Variants in CLIC1 observed in about 807,000 individuals in gnomAD.
CLIC1 encodes the protein CLIC family member 1, also known as chloride intracellular channel protein 1.
A neutral mutation model predicts 26.4 loss-of-function variants in CLIC1; 16 were observed. That is an observed-to-expected ratio of 0.61 (90% CI 0.41 to 0.92). CLIC1 has a LOEUF of 0.92. CLIC1 is among the 40% of genes least tolerant of loss of function. The pLI is 0.00. For synonymous variants in CLIC1, 98 were observed against 120.8 expected, an observed-to-expected ratio of 0.81 and a Z score of 1.24; for missense variants, 225 against 289.7, an observed-to-expected ratio of 0.78 and a Z score of 1.62.
Position 31,730,934 on chromosome 6 carries a change from T to C in CLIC1, c.634A>G (p.Asn212Asp). 1 of 1,613,076 alleles carries C rather than the reference T, an allele frequency of 6.2e-7. No individual in the cohort carries two copies. The highest frequency in any genetic ancestry group is 8.5e-7 in the Non-Finnish European group (1 of 1,180,012). ...GCGAATTCTTCCCGGGCGTAGGCAT[T>C]GCTCAAGTACCGATGCACTCCCCGG... is the stretch of plus-strand genomic sequence containing the variant. The change falls in exon 6 of 6, where the codon AAT becomes GAT. Residue 212 changes from asparagine to aspartate, a missense_variant. Coordinates refer to ENST00000375784, the Ensembl canonical transcript of CLIC1. This position sits in a 1 kb window ranked among gnomAD's most constrained non-coding sequence, Gnocchi z 5.1.
In CLIC1 at chr6:31,730,925, C is replaced by T. The variant is rs764853833; in HGVS notation, c.643G>A (p.Ala215Thr). ...CAGGTGGAAGCGAATTCTTCCCGGG[C>T]GTAGGCATTGCTCAAGTACCGATGC... Residue 215 changes from alanine to threonine, a missense_variant, in exon 6 of 6, where the codon GCC (alanine) becomes ACC (threonine). Ala to Thr is a moderately conservative substitution (Grantham distance 58). Coordinates refer to ENST00000375784, the Ensembl canonical transcript of CLIC1. This position sits in a 1 kb window ranked among gnomAD's most constrained non-coding sequence, Gnocchi z 5.1. 50 of 1,612,942 alleles carry T rather than the reference C, an allele frequency of 3.1e-5. No individual in the cohort carries two copies. In the Admixed American group the frequency reaches 7.5e-4, roughly 24 times the overall value.
At chr6:31,731,557 C>T (rs369721972) in intron 5 of CLIC1, among the ~76,000 whole-genome samples, 23 of 152,330 alleles carry the variant, frequency 1.5e-4, no homozygotes, top group African/African-American at 5.5e-4. Context: ...CAGCCTTGGC[C>T]GCCCAAAGTG....
rs767020089 is a variant in CLIC1 at position 31,732,305 on chromosome 6, T to C, written c.476A>G (p.Asp159Gly). 1.6e-5 allele frequency: 26 copies of C among 1,598,672 alleles called. No individual in the cohort carries two copies. Among genetic ancestry groups the C allele is most frequent in the Non-Finnish European group, 2.0e-5 (23 of 1,173,296 alleles). Residue 159 changes from aspartate (D) to glycine (G), a missense_variant, in exon 5 of 6, where the codon GAT (aspartate) becomes GGT (glycine). Physicochemically the swap from Asp to Gly is moderately conservative, Grantham distance 94 (BLOSUM62 -1). Coordinates refer to ENST00000375784, the Ensembl canonical transcript of CLIC1. This position sits in a 1 kb window ranked among gnomAD's most constrained non-coding sequence, Gnocchi z 5.0. ...AAACTTCCTCTGAGAGACACCTTCA[T>C]CTTCAGCACTGGTTTCATCCACTTC...
chr6:31,732,125 G>A lies in CLIC1; in HGVS notation c.564+92C>T, dbSNP rs1416991236. Reference sequence around the variant, plus strand: ...TGAAAACCACCCTAAGAAAGAAATCGTCTTTAGAGTGGTTGTCAGGGGAAG... The same window carrying A: ...TGAAAACCACCCTAAGAAAGAAATCATCTTTAGAGTGGTTGTCAGGGGAAG... On this transcript the variant is annotated intron_variant, in intron 5 of 5. Coordinates refer to ENST00000375784, the Ensembl canonical transcript of CLIC1. The surrounding 1 kb of genome is among the most constrained non-coding windows in gnomAD (Gnocchi z 5.0). 51 of 1,078,042 alleles carry A rather than the reference G, an allele frequency of 4.7e-5. No homozygotes were observed. Among genetic ancestry groups the A allele is most frequent in the Middle Eastern group, 4.4e-4 (2 of 4,550 alleles). 66.8% of individuals were successfully genotyped at this position (1,078,042 alleles called of 1,614,324 possible). A position where few individuals can be genotyped will look rare whatever the true frequency, so the allele number is the denominator to read the frequency against.
chr6:31,732,320 T>G lies in CLIC1; in HGVS notation c.461A>C (p.Glu154Ala). 1 of 1,596,532 alleles carries G rather than the reference T, an allele frequency of 6.3e-7. No homozygotes were observed. Among genetic ancestry groups the G allele is most frequent in the Non-Finnish European group, 8.5e-7 (1 of 1,172,154 alleles). ...GACACCTTCATCTTCAGCACTGGTT[T>G]CATCCACTTCTTCTGGGAGGGGGGA... Residue 154 changes from glutamate to alanine, a missense_variant, in exon 5 of 6, where the codon GAA (glutamate) becomes GCA (alanine). Physicochemically the swap from Glu to Ala is moderately radical, Grantham distance 107 (BLOSUM62 -1). Transcript: ENST00000375784. This position sits in a 1 kb window ranked among gnomAD's most constrained non-coding sequence, Gnocchi z 5.0.
Position 31,730,768 on chromosome 6 carries a change from T to G in CLIC1, c.*74A>C. The G allele has an allele frequency of 6.6e-7, 1 of 1,515,976 alleles. No homozygotes were observed. The highest frequency in any genetic ancestry group is 9.1e-7 in the Non-Finnish European group (1 of 1,100,274). 93.9% of individuals were successfully genotyped at this position (1,515,976 alleles called of 1,614,324 possible). A position where few individuals can be genotyped will look rare whatever the true frequency, so the allele number is the denominator to read the frequency against. On this transcript the variant is annotated 3_prime_UTR_variant, in exon 6 of 6. Transcript: ENST00000375784. This position sits in a 1 kb window ranked among gnomAD's most constrained non-coding sequence, Gnocchi z 5.1. ...CACTGGCCATTTTGGAGTGTGTCCA[T>G]TGGGTAGCAATGTGGAAACCACCAG...
Position 31,733,864 on chromosome 6 carries a change from A to T in CLIC1, c.247T>A (p.Phe83Ile), listed in dbSNP as rs767508324. ...GGAGGGCACAGCACTGCCTCCAGAA[A>T]TTCCTCAATCTTGTTGGTGTCTGTG... The change falls in exon 3 of 6, where the codon TTT (phenylalanine) becomes ATT (isoleucine). Residue 83 changes from phenylalanine (F) to isoleucine (I), a missense_variant. Physicochemically the swap from Phe to Ile is conservative, Grantham distance 21 (BLOSUM62 0). Coordinates refer to ENST00000375784, the Ensembl canonical transcript of CLIC1. The surrounding 1 kb of genome is among the most constrained non-coding windows in gnomAD (Gnocchi z 5.4). 1 of 1,614,076 alleles carries T rather than the reference A, an allele frequency of 6.2e-7. No individual in the cohort carries two copies. Among genetic ancestry groups the T allele is most frequent in the Non-Finnish European group, 8.5e-7 (1 of 1,180,028 alleles).
Position 31,736,496 on chromosome 6 carries a change from C to T in CLIC1, c.-196G>A, listed in dbSNP as rs1583872976. ...AGCCCAACGCACCCCACACCCAGCTCCTCCAGCTCGGTCCTCTCCCGGGCT... is the reference window on the plus strand; with the variant it reads ...AGCCCAACGCACCCCACACCCAGCTTCTCCAGCTCGGTCCTCTCCCGGGCT... On this transcript the variant is annotated 5_prime_UTR_variant, in exon 1 of 6. Coordinates refer to ENST00000375784, the Ensembl canonical transcript of CLIC1. This position sits in a 1 kb window ranked among gnomAD's most constrained non-coding sequence, Gnocchi z 5.0. 1 of 1,399,348 alleles carries T rather than the reference C, an allele frequency of 7.1e-7. No homozygotes were observed. Among genetic ancestry groups the T allele is most frequent in the Non-Finnish European group, 9.3e-7 (1 of 1,076,070 alleles). The allele number at this position is 1,399,348 out of a possible 1,614,324, so 86.7% of individuals were successfully genotyped here.
At chr6:31,735,807 C>CCA (rs9281564) in intron 1 of CLIC1, among the ~76,000 whole-genome samples, 22,115 of 124,646 alleles carry the variant, frequency 0.18, 2,044 homozygotes, top group East Asian at 0.34. Flanking sequence ...GCGTCTCCAT[C>CCA]CACACACACA....
Position 31,734,208 on chromosome 6 carries a change from A to G in CLIC1, c.95T>C (p.Met32Thr). The change falls in exon 2 of 6, where the codon ATG becomes ACG. Residue 32 changes from methionine (M) to threonine (T), a missense_variant. Coordinates refer to ENST00000375784, the Ensembl canonical transcript of CLIC1. The surrounding 1 kb of genome is among the most constrained non-coding windows in gnomAD (Gnocchi z 5.3). Reference sequence around the variant, plus strand: ...GGTGACTCCCTTGAGCCACAGTACCATGAACAGTCTCTGGGAGAATGGGCA... The same window carrying G: ...GGTGACTCCCTTGAGCCACAGTACCGTGAACAGTCTCTGGGAGAATGGGCA... 1 of 1,614,206 alleles carries G rather than the reference A, an allele frequency of 6.2e-7. No individual in the cohort carries two copies. Among genetic ancestry groups the G allele is most frequent in the Non-Finnish European group, 8.5e-7 (1 of 1,180,032 alleles).
chr6:31,730,864 T>A lies in CLIC1; in HGVS notation c.704A>T (p.Gln235Leu), dbSNP rs1807864565. The A allele has an allele frequency of 2.2e-5, 36 of 1,612,960 alleles. No individual in the cohort carries two copies. Among genetic ancestry groups the A allele is most frequent in the Non-Finnish European group, 3.0e-5 (35 of 1,180,048 alleles). The change falls in exon 6 of 6, where the codon CAA (glutamine) becomes CTA (leucine). Residue 235 changes from glutamine to leucine, a missense_variant. Gln to Leu is a moderately radical substitution (Grantham distance 113). Transcript: ENST00000375784. This position sits in a 1 kb window ranked among gnomAD's most constrained non-coding sequence, Gnocchi z 5.1. ...GGCTTATTTGAGGGCCTTTGCCACT[T>A]GCTCATAGGCGAGCTCGATCTCCTC... is the stretch of plus-strand genomic sequence containing the variant.
Position 31,732,942 on chromosome 6 carries a change from T to G in CLIC1, c.383-544A>C, listed in dbSNP as rs1353889269. On this transcript the variant is annotated intron_variant, in intron 4 of 5. Coordinates refer to ENST00000375784, the Ensembl canonical transcript of CLIC1. This position sits in a 1 kb window ranked among gnomAD's most constrained non-coding sequence, Gnocchi z 5.0. ...TTCAAGACCAGCCTGGCCAACATGG[T>G]GAAACCCTGTCTCTACTAAAAATAC... Among the ~76,000 whole-genome samples the G allele has an allele frequency of 6.6e-6, 1 of 151,456 alleles. No homozygotes were observed. The highest frequency in any genetic ancestry group is 1.5e-5 in the Non-Finnish European group (1 of 67,842).
At position 31,734,275 on chromosome 6, in the gene CLIC1, C is replaced by A. The variant is rs762825524; in HGVS notation, c.40-12G>T. On this transcript the variant is annotated splice_polypyrimidine_tract_variant and intron_variant, in intron 1 of 5. Transcript: ENST00000375784. This position sits in a 1 kb window ranked among gnomAD's most constrained non-coding sequence, Gnocchi z 5.3. ...CCATCACTGCCAGCCTGAAAAGTAA[C>A]CCCAACCCAAGGTTATGCCTGATGC... 6.2e-6 allele frequency: 10 copies of A among 1,608,674 alleles called. No individual in the cohort carries two copies. Among genetic ancestry groups the A allele is most frequent in the South Asian group, 4.4e-5 (4 of 90,864 alleles).
Position 31,733,304 on chromosome 6 carries a change from T to C in CLIC1, c.382+262A>G, listed in dbSNP as rs1216278948. Among the ~76,000 whole-genome samples, 1 of 152,066 alleles carries C rather than the reference T, an allele frequency of 6.6e-6. No homozygotes were observed. The highest frequency in any genetic ancestry group is 2.4e-5 in the African/African-American group (1 of 41,386). ...ACTGTTCTTAAGCATGACCCTATTC[T>C]GCCAGAAAACAGGCCAGCAGCCAAC... On this transcript the variant is annotated intron_variant, in intron 4 of 5. Coordinates refer to ENST00000375784, the Ensembl canonical transcript of CLIC1. The surrounding 1 kb of genome is among the most constrained non-coding windows in gnomAD (Gnocchi z 5.4).
intron 5 of CLIC1, among the ~76,000 whole-genome samples, chr6:31,731,250 C>T (rs1268455171): frequency 6.6e-6 from 1 of 151,986 alleles, no homozygotes; most frequent in African/African-American, 2.4e-5. Context: ...TGACTTTTTC[C>T]CCCTATACCA....
chr6:31,733,734 C>G lies in CLIC1; in HGVS notation c.276-62G>C. 1 of 1,603,266 alleles carries G rather than the reference C, an allele frequency of 6.2e-7. No homozygotes were observed. Among genetic ancestry groups the G allele is most frequent in the Non-Finnish European group, 8.5e-7 (1 of 1,170,682 alleles). On this transcript the variant is annotated intron_variant, in intron 3 of 5. Coordinates refer to ENST00000375784, the Ensembl canonical transcript of CLIC1. The surrounding 1 kb of genome is among the most constrained non-coding windows in gnomAD (Gnocchi z 5.4). ...CCTGGGAGGAACCTCAGCTAGCTCTCCTGCCCCAGCCCCACCACCATCTCT... is the reference window on the plus strand; with the variant it reads ...CCTGGGAGGAACCTCAGCTAGCTCTGCTGCCCCAGCCCCACCACCATCTCT...
At position 31,730,746 on chromosome 6, in the gene CLIC1, T is replaced by G; in HGVS notation, c.*96A>C. 4 of 1,333,276 alleles carry G rather than the reference T, an allele frequency of 3.0e-6. No homozygotes were observed. Among genetic ancestry groups the G allele is most frequent in the Non-Finnish European group, 4.2e-6 (4 of 948,224 alleles). The allele number at this position is 1,333,276 out of a possible 1,614,324, so 82.6% of individuals were successfully genotyped here. ...AAGTGCTCCAGGATTCCCTGCCCAC[T>G]GGCCATTTTGGAGTGTGTCCATTGG... is the stretch of plus-strand genomic sequence containing the variant. On this transcript the variant is annotated 3_prime_UTR_variant, in exon 6 of 6. Coordinates refer to ENST00000375784, the Ensembl canonical transcript of CLIC1. This position sits in a 1 kb window ranked among gnomAD's most constrained non-coding sequence, Gnocchi z 5.1.
Position 31,734,308 on chromosome 6 carries a change from C to G in CLIC1, c.40-45G>C. ...CAAGGTTATGCCTGATGCACCCCAC[C>G]CATCCCTAGGCCAGTCCCTGCATTC... On this transcript the variant is annotated intron_variant, in intron 1 of 5. Transcript: ENST00000375784. This position sits in a 1 kb window ranked among gnomAD's most constrained non-coding sequence, Gnocchi z 5.3. 1 of 1,456,728 alleles carries G rather than the reference C, an allele frequency of 6.9e-7. No individual in the cohort carries two copies. Among genetic ancestry groups the G allele is most frequent in the Non-Finnish European group, 9.6e-7 (1 of 1,042,352 alleles). 90.2% of individuals were successfully genotyped at this position (1,456,728 alleles called of 1,614,324 possible).
chr6:31,735,395 G>A (rs9267553), intron 1 of CLIC1, among the ~76,000 whole-genome samples: 5 of 151,036 alleles, frequency 3.3e-5, no homozygotes. Flanking sequence ...GCAATCAGAG[G>A]GGGGCTGGGT....
Sources: allele counts gnomAD v4.1 joint callset (sites outside exome capture counted in the v4.1 genomes callset), GRCh38; gene constraint gnomAD v4.1.1; non-coding constraint Gnocchi (gnomAD v3.1); transcripts MANE v1.5; gene names NCBI Gene and HGNC (gene_info 2026-07-23, HGNC 2026-07-21).